The following NR1D2 variants were observed in gnomAD, a reference collection of about 807,000 sequenced individuals.
NR1D2 encodes V-erbA-related protein 1-related.
Under a neutral mutation model 52.2 loss-of-function variants are expected in NR1D2, and 25 were observed. That is an observed-to-expected ratio of 0.48 (90% CI 0.35 to 0.67). The LOEUF is 0.67. NR1D2 is among the 30% of genes least tolerant of loss of function. NR1D2 has a pLI of 0.01. For synonymous variants in NR1D2, 259 were observed against 230.1 expected (o/e 1.13, Z -1.14); for missense variants, 681 against 707.2 (o/e 0.96, Z 0.42).
rs1471616455 is a variant in NR1D2, at chr3:23,980,436, GAACT to G, written c.*3021_*3024del. The G allele has an allele frequency of 2.0e-5, 3 of 151,910 alleles. No homozygotes were observed. The highest frequency in any genetic ancestry group is 2.1e-4 in the South Asian group (1 of 4,818). 9.4% of individuals were successfully genotyped at this position (151,910 alleles called of 1,614,324 possible). On this transcript the variant is annotated 3_prime_UTR_variant, in exon 8 of 8. Transcript: ENST00000312521. ...AAAGATAAAACTTGAAGCTATTCTG[GAACT>G]AACATGGAAAAATGAAATGGCTATT...
At chr3:23,946,406 C>A in intron 1 of NR1D2, 1 of 575,012 alleles carries the variant, frequency 1.7e-6, no homozygotes, top group Non-Finnish European at 2.2e-6. Flanking sequence ...GGGGCTTTCC[C>A]GAAGGGATAC....
chr3:23,978,204 G>C lies in NR1D2; in HGVS notation c.*785G>C, dbSNP rs918151093. On this transcript the variant is annotated 3_prime_UTR_variant, in exon 8 of 8. Coordinates refer to ENST00000312521, the MANE Select transcript of NR1D2 (RefSeq NM_005126.5). ...GATACACACGTATTCAAAGTTTATGGGTACAACAAAGACATAGTACATGTA... is the reference window on the plus strand; with the variant it reads ...GATACACACGTATTCAAAGTTTATGCGTACAACAAAGACATAGTACATGTA... 2.0e-5 allele frequency: 3 copies of C among 151,920 alleles called. No homozygotes were observed. The highest frequency in any genetic ancestry group is 7.3e-5 in the African/African-American group (3 of 41,322). 9.4% of individuals were successfully genotyped at this position (151,920 alleles called of 1,614,324 possible). A position where few individuals can be genotyped will look rare whatever the true frequency, so the allele number is the denominator to read the frequency against.
rs770211929 is a variant in NR1D2, at chr3:23,967,858, A to G, written c.1378A>G (p.Thr460Ala). The G allele has an allele frequency of 4.3e-6, 7 of 1,613,992 alleles. No individual in the cohort carries two copies. Among genetic ancestry groups the G allele is most frequent in the Admixed American group, 1.7e-5 (1 of 59,998 alleles). ...ATCATTATTTGATGCAAAGGAACGT[A>G]CTGTCACCTTTTTAAGTGGAAAGAA... ...FASLFDAKER[T>A]VTFLSGKKYS... Residue 460 changes from threonine (T) to alanine (A), a missense_variant, in exon 7 of 8, where the codon ACT becomes GCT. Physicochemically the swap from Thr to Ala is moderately conservative, Grantham distance 58. Coordinates refer to ENST00000312521, the MANE Select transcript of NR1D2 (RefSeq NM_005126.5).
At chr3:23,961,372 CTTTTTTCTTTTTCTTTCTTTTTTTTT>C (rs1706237146) in intron 4 of NR1D2, among the ~76,000 whole-genome samples, 1 of 111,662 alleles carries the variant, frequency 9.0e-6, no homozygotes, top group Non-Finnish European at 2.0e-5. Context: ...TTTCATATTT[CTTTTTTCTTTTTCTTTCTTTTTTTTT>C]TTTTTTTTTT....
chr3:23,955,660 A>G (rs1483016776), intron 2 of NR1D2, among the ~76,000 whole-genome samples: 1 of 152,130 alleles, frequency 6.6e-6, no homozygotes, highest in Non-Finnish European at 1.5e-5. Flanking sequence ...TCTACTAAAA[A>G]TACAAAAATT....
intron 6 of NR1D2, among the ~76,000 whole-genome samples, chr3:23,966,017 G>GTTATACTAAGATACTAAGTTATACA (rs1559336091): frequency 2.0e-5 from 3 of 152,136 alleles, no homozygotes; most frequent in Non-Finnish European, 2.9e-5. Context: ...TCCTGCTTGG[G>GTTATACTAAGATACTAAGTTATACA]CTTGGGGTAG....
At chr3:23,976,474 G>T (rs1410404586) in intron 7 of NR1D2, among the ~76,000 whole-genome samples, 1 of 152,190 alleles carries the variant, frequency 6.6e-6, no homozygotes, top group Non-Finnish European at 1.5e-5. Context: ...GCTTTCAGTT[G>T]TATGTAGTTA....
chr3:23,954,574 C>T lies in NR1D2; in HGVS notation c.54C>T (p.Ala18=), dbSNP rs367555924. ...VIAYISSSSS[A]SSPASCHSEG... is the part of the protein sequence containing the mutation. ...CCTATATCAGTTCTTCCAGCTCAGCCTCAAGCCCTGCCTCTTGTCACAGTG... is the reference window on the plus strand; with the variant it reads ...CCTATATCAGTTCTTCCAGCTCAGCTTCAAGCCCTGCCTCTTGTCACAGTG... Residue 18 remains alanine (A), a synonymous_variant, in exon 2 of 8, where the codon GCC becomes GCT. Transcript: ENST00000312521. 38 of 1,613,944 alleles carry T rather than the reference C, an allele frequency of 2.4e-5. No homozygotes were observed. Among genetic ancestry groups the T allele is most frequent in the Admixed American group, 2.3e-4 (14 of 59,996 alleles).
chr3:23,949,792 GACTTGAAGTCA>G (rs564667463), intron 1 of NR1D2, among the ~76,000 whole-genome samples: 3 of 152,360 alleles, frequency 2.0e-5, no homozygotes, highest in African/African-American at 7.2e-5. Context: ...GTACAGTCAT[GACTTGAAGTCA>G]AACATAATCT....
rs1423049629 is a variant in NR1D2 at position 23,979,201 on chromosome 3, A to AG, written c.*1784dup. 1 of 152,120 alleles carries AG rather than the reference A, an allele frequency of 6.6e-6. No individual in the cohort carries two copies. Among genetic ancestry groups the AG allele is most frequent in the Non-Finnish European group, 1.5e-5 (1 of 67,962 alleles). The allele number at this position is 152,120 out of a possible 1,614,324, so 9.4% of individuals were successfully genotyped here. A position where few individuals can be genotyped will look rare whatever the true frequency, so the allele number is the denominator to read the frequency against. ...AAGTTAAACCCTCTCATTATTAAAG[A>AG]GGAAAGGCGATGGTGATGTCTGTAG... is the stretch of plus-strand genomic sequence containing the variant. On this transcript the variant is annotated 3_prime_UTR_variant, in exon 8 of 8. Coordinates refer to ENST00000312521, the MANE Select transcript of NR1D2 (RefSeq NM_005126.5).
In NR1D2 at chr3:23,965,172, A is replaced by C. The variant is rs767045838; in HGVS notation, c.1332+10A>C. 15 of 1,531,568 alleles carry C rather than the reference A, an allele frequency of 9.8e-6. No homozygotes were observed. Among genetic ancestry groups the C allele is most frequent in the Non-Finnish European group, 1.3e-5 (15 of 1,136,882 alleles). 94.9% of individuals were successfully genotyped at this position (1,531,568 alleles called of 1,614,324 possible). A position where few individuals can be genotyped will look rare whatever the true frequency, so the allele number is the denominator to read the frequency against. ...GGCTGGGACTTTTGAGGTAGGTTTT[A>C]TTTATCCTGAATATTGATGCAGGCA... On this transcript the variant is annotated intron_variant, in intron 6 of 7. Transcript: ENST00000312521.
intron 1 of NR1D2, among the ~76,000 whole-genome samples, chr3:23,948,904 A>G (rs1440015157): frequency 6.6e-6 from 1 of 152,232 alleles, no homozygotes; most frequent in Non-Finnish European, 1.5e-5. Context: ...ATTTGCAGTG[A>G]TATATGTAGG....
At chr3:23,968,524 T>C (rs2125295479) in intron 7 of NR1D2, among the ~76,000 whole-genome samples, 1 of 152,330 alleles carries the variant, frequency 6.6e-6, no homozygotes, top group South Asian at 2.1e-4. Context: ...TTTACTCTTT[T>C]GGGTCTTGGA....
At chr3:23,947,295 G>A (rs62253381) in intron 1 of NR1D2, among the ~76,000 whole-genome samples, 919 of 152,304 alleles carry the variant, frequency 6.0e-3, no homozygotes, top group Middle Eastern at 0.02. Context: ...ATACTTCGCT[G>A]ATCTAAATCT....
chr3:23,953,511 T>C (rs939159669), intron 1 of NR1D2, among the ~76,000 whole-genome samples: 3 of 152,112 alleles, frequency 2.0e-5, no homozygotes, highest in Non-Finnish European at 4.4e-5. Context: ...TTAACACCTA[T>C]AAAGAGCGAG....
chr3:23,959,888 C>T, intron 4 of NR1D2, 73 bp downstream of exon 4: 6 of 1,426,616 alleles, frequency 4.2e-6, no homozygotes, highest in Non-Finnish European at 5.6e-6. Flanking sequence ...TGAACCAGAG[C>T]TATAAACCGG....
chr3:23,980,220 C>G lies in NR1D2; in HGVS notation c.*2801C>G, dbSNP rs966507411. ...ATCTTTGCAAAGCAAGGTGTAGCAG[C>G]TCAGCTAGATTTATTACTGTGCACG... On this transcript the variant is annotated 3_prime_UTR_variant, in exon 8 of 8. Transcript: ENST00000312521. 6 of 152,118 alleles carry G rather than the reference C, an allele frequency of 3.9e-5. No homozygotes were observed. Among genetic ancestry groups the G allele is most frequent in the Admixed American group, 2.6e-4 (4 of 15,278 alleles). 9.4% of individuals were successfully genotyped at this position (152,118 alleles called of 1,614,324 possible). A position where few individuals can be genotyped will look rare whatever the true frequency, so the allele number is the denominator to read the frequency against.
In NR1D2 at chr3:23,979,643, A is replaced by G. The variant is rs1046642737; in HGVS notation, c.*2224A>G. ...AAATTCTTCCTGTAGGTAATGGGAA[A>G]CAAAATTAATAGTTCATATGTCACT... On this transcript the variant is annotated 3_prime_UTR_variant, in exon 8 of 8. Transcript: ENST00000312521. 3.9e-5 allele frequency: 6 copies of G among 152,220 alleles called. No individual in the cohort carries two copies. In the South Asian group the frequency reaches 1.2e-3, roughly 32 times the overall value. The allele number at this position is 152,220 out of a possible 1,614,324, so 9.4% of individuals were successfully genotyped here. A position where few individuals can be genotyped will look rare whatever the true frequency, so the allele number is the denominator to read the frequency against.
intron 3 of NR1D2, among the ~76,000 whole-genome samples, chr3:23,957,271 C>T (rs1261677340): frequency 5.9e-5 from 9 of 151,440 alleles, no homozygotes; most frequent in African/African-American, 1.9e-4. Flanking sequence ...GCGTGAGCCA[C>T]GCGCCCTGCC....
Sources: gnomAD v4.1 joint callset for allele counts (sites outside exome capture counted in the v4.1 genomes callset) on GRCh38, gnomAD v4.1.1 for gene constraint, MANE v1.5 for transcripts, NCBI Gene and HGNC (gene_info 2026-07-23, HGNC 2026-07-21) for gene names.